The following EPB41L4A variants were observed in gnomAD, a reference collection of about 807,000 sequenced individuals.
EPB41L4A encodes band 4.1-like protein 4A.
EPB41L4A carries 100 observed loss-of-function variants against 108.6 expected under a neutral mutation model. That is an observed-to-expected ratio of 0.92 (90% CI 0.78 to 1.09). The LOEUF is 1.09. Among genes scored for constraint, EPB41L4A ranks in the 50% least tolerant of loss-of-function variants. EPB41L4A has a pLI of 0.00. For synonymous variants in EPB41L4A, 319 were observed against 289.0 expected (o/e 1.10, Z -1.05); for missense variants, 1,030 against 842.7 (o/e 1.22, Z -2.75).
At chr5:112,177,305 C>T (rs964662094) in intron 18 of EPB41L4A, among the ~76,000 whole-genome samples, 4 of 152,178 alleles carry the variant, frequency 2.6e-5, no homozygotes, top group Non-Finnish European at 5.9e-5. Flanking sequence ...AAGCCAGCAA[C>T]AGCAGGTTGA....
At chr5:112,379,277 A>G (rs920459146) in intron 1 of EPB41L4A, among the ~76,000 whole-genome samples, 4 of 152,210 alleles carry the variant, frequency 2.6e-5, no homozygotes, top group African/African-American at 9.6e-5. Flanking sequence ...CTATAAAACA[A>G]TTAGAAGTCC....
At chr5:112,213,624 G>A (rs774964687) in intron 12 of EPB41L4A, among the ~76,000 whole-genome samples, 1 of 152,170 alleles carries the variant, frequency 6.6e-6, no homozygotes, top group South Asian at 2.1e-4. Context: ...AAGGTGCTGG[G>A]ATAACAGGCA....
intron 1 of EPB41L4A, among the ~76,000 whole-genome samples, chr5:112,318,997 T>G (rs1223371003): frequency 6.6e-6 from 1 of 152,218 alleles, no homozygotes. Flanking sequence ...CACATTAGCT[T>G]GTTATAGGAA....
intron 1 of EPB41L4A, among the ~76,000 whole-genome samples, chr5:112,321,442 G>A (rs1354701093): frequency 6.6e-6 from 1 of 152,130 alleles, no homozygotes; most frequent in East Asian, 1.9e-4. Context: ...CTCTTTTAGG[G>A]CACACAAATC....
At chr5:112,340,115 G>A (rs902905831) in intron 1 of EPB41L4A, among the ~76,000 whole-genome samples, 1 of 152,092 alleles carries the variant, frequency 6.6e-6, no homozygotes, top group Non-Finnish European at 1.5e-5. Flanking sequence ...CATCGACCCC[G>A]CCCTTTCAAC....
At chr5:112,189,399 G>C (rs2150248757) in intron 17 of EPB41L4A, among the ~76,000 whole-genome samples, 1 of 152,314 alleles carries the variant, frequency 6.6e-6, no homozygotes, top group Non-Finnish European at 1.5e-5. Context: ...ACAGGATAAA[G>C]TAACCAGCTC....
At chr5:112,235,679 T>C (rs569656978) in intron 11 of EPB41L4A, among the ~76,000 whole-genome samples, 1 of 152,330 alleles carries the variant, frequency 6.6e-6, no homozygotes, top group Non-Finnish European at 1.5e-5. Context: ...TTTCACATGC[T>C]TCTGTGGAAG....
chr5:112,346,581 G>A lies in EPB41L4A; in HGVS notation c.100-39091C>T, dbSNP rs189067578. 2.0e-4 allele frequency among the ~76,000 whole-genome samples: 30 copies of A among 152,094 alleles called. No individual in the cohort carries two copies. In the East Asian group the frequency reaches 5.2e-3, roughly 27 times the overall value. ...GAAAGAACTAATAAAATGCCTAGAG[G>A]TTACAAAAAACTGACAGAAGTCAAA... On this transcript the variant is annotated intron_variant, in intron 1 of 22. Transcript: ENST00000261486.
chr5:112,272,906 A>G (rs1341202046), intron 4 of EPB41L4A, among the ~76,000 whole-genome samples: 1 of 152,164 alleles, frequency 6.6e-6, no homozygotes. Flanking sequence ...TAGCATGATC[A>G]TTCATACCAA....
At chr5:112,181,422 G>A (rs181413096) in intron 18 of EPB41L4A, among the ~76,000 whole-genome samples, 1 of 152,074 alleles carries the variant, frequency 6.6e-6, no homozygotes, top group East Asian at 1.9e-4. Flanking sequence ...CTGCACTCCA[G>A]CCTGGGCGAC....
rs115418998 is a variant in EPB41L4A at position 112,399,947 on chromosome 5, T to C, written c.99+18994A>G. ...TGGTTCAATATCACACTACCAGCCC[T>C]AGATTACATTTATGTGTTAGGCCGT... is the stretch of plus-strand genomic sequence containing the variant. On this transcript the variant is annotated intron_variant, in intron 1 of 22. Coordinates refer to ENST00000261486, the MANE Select transcript of EPB41L4A (RefSeq NM_022140.5). Among the ~76,000 whole-genome samples the C allele has an allele frequency of 1.1e-3, 174 of 152,314 alleles. No homozygotes were observed. In the East Asian group the frequency reaches 0.03, roughly 26 times the overall value.
At chr5:112,143,912 C>T (rs116338441) in intron 13 of EPB41L4A, 255 of 452,992 alleles carry the variant, frequency 5.6e-4, no homozygotes, top group Non-Finnish European at 8.7e-4. Context: ...GGGAAATGTG[C>T]TCAGTTGCCA....
chr5:112,193,541 T>C (rs936312469), intron 17 of EPB41L4A, among the ~76,000 whole-genome samples: 5 of 152,224 alleles, frequency 3.3e-5, no homozygotes, highest in Non-Finnish European at 5.9e-5. Context: ...CCTCAGGTGA[T>C]CTGCCTGCCT....
At chr5:112,277,626 C>G (rs1175128227) in intron 3 of EPB41L4A, among the ~76,000 whole-genome samples, 1 of 152,134 alleles carries the variant, frequency 6.6e-6, no homozygotes, top group African/African-American at 2.4e-5. Flanking sequence ...AAAAAGTTTG[C>G]TATCATCTAG....
intron 11 of EPB41L4A, among the ~76,000 whole-genome samples, chr5:112,236,845 T>C (rs1749373272): frequency 6.6e-6 from 1 of 152,172 alleles, no homozygotes; most frequent in African/African-American, 2.4e-5. Flanking sequence ...CTCATCTATA[T>C]AAAGGGGGAT....
intron 1 of EPB41L4A, among the ~76,000 whole-genome samples, chr5:112,353,372 A>G (rs1457040131): frequency 6.6e-6 from 1 of 152,200 alleles, no homozygotes; most frequent in Non-Finnish European, 1.5e-5. Flanking sequence ...TGGCGGGCTG[A>G]GCAGGCCCTC....
intron 1 of EPB41L4A, among the ~76,000 whole-genome samples, chr5:112,391,851 G>C (rs746356198): frequency 1.3e-5 from 2 of 151,438 alleles, no homozygotes; most frequent in Non-Finnish European, 3.0e-5. Context: ...TACCCACAAA[G>C]GCCCATCAGA....
intron 5 of EPB41L4A, among the ~76,000 whole-genome samples, chr5:112,265,901 C>CAT (rs1751817914): frequency 6.6e-6 from 1 of 152,172 alleles, no homozygotes; most frequent in Non-Finnish European, 1.5e-5. Flanking sequence ...ATCTCTGACA[C>CAT]ATAGAAGCTT....
chr5:112,202,102 A>C (rs1311423266), intron 15 of EPB41L4A, among the ~76,000 whole-genome samples: 2 of 152,238 alleles, frequency 1.3e-5, no homozygotes, highest in East Asian at 3.8e-4. Context: ...AAGGCAGAGA[A>C]CAGGAAAAGT....
Sources: gnomAD v4.1 joint callset for allele counts (sites outside exome capture counted in the v4.1 genomes callset) on GRCh38, gnomAD v4.1.1 for gene constraint, MANE v1.5 for transcripts, NCBI Gene and HGNC (gene_info 2026-07-23, HGNC 2026-07-21) for gene names.